The following NRXN1 variants were observed in gnomAD, a reference collection of about 807,000 sequenced individuals.
The protein encoded by NRXN1 is neurexin 1, also known as neurexin-1.
In NRXN1, 39 loss-of-function variants were observed where a neutral mutation model predicts 150.9. That is an observed-to-expected ratio of 0.26 (90% CI 0.20 to 0.34). NRXN1 has a LOEUF of 0.34. Ranked by LOEUF, NRXN1 falls within the 10% of genes least tolerant of loss-of-function variation. The pLI is 1.00. For missense variants in NRXN1, 1,815 were observed against 1,949.9 expected, an observed-to-expected ratio of 0.93 and a Z score of 1.30; for synonymous variants, 924 against 757.0, an observed-to-expected ratio of 1.22 and a Z score of -3.62.
chr2:50,248,341 T>G (rs1321408298), intron 17 of NRXN1, among the ~76,000 whole-genome samples: 1 of 152,142 alleles, frequency 6.6e-6, no homozygotes, highest in Non-Finnish European at 1.5e-5. Flanking sequence ...TTCTTGGCCA[T>G]GGGAATTTAT....
chr2:50,259,456 A>G (rs2152908813), intron 17 of NRXN1, among the ~76,000 whole-genome samples: 1 of 152,004 alleles, frequency 6.6e-6, no homozygotes, highest in Non-Finnish European at 1.5e-5. Context: ...AGGTAAGCAT[A>G]CCACATCATC....
chr2:50,563,971 T>G (rs1240168719), intron 8 of NRXN1, among the ~76,000 whole-genome samples: 1 of 152,210 alleles, frequency 6.6e-6, no homozygotes, highest in Non-Finnish European at 1.5e-5. Flanking sequence ...TTTTAGCAAC[T>G]GCAATGAGAA....
At chr2:50,636,888 T>C (rs751240173) in intron 5 of NRXN1, among the ~76,000 whole-genome samples, 1 of 152,180 alleles carries the variant, frequency 6.6e-6, no homozygotes, top group African/African-American at 2.4e-5. Flanking sequence ...AATATACGCA[T>C]AGAAAATAAA....
chr2:50,779,108 G>T (rs974297018), intron 5 of NRXN1, among the ~76,000 whole-genome samples: 1 of 152,002 alleles, frequency 6.6e-6, no homozygotes, highest in African/African-American at 2.4e-5. Flanking sequence ...TTGTGCCACA[G>T]TGGTTTGCTG....
intron 17 of NRXN1, among the ~76,000 whole-genome samples, chr2:50,450,272 C>G (rs983667352): frequency 6.6e-6 from 1 of 152,062 alleles, no homozygotes; most frequent in African/African-American, 2.4e-5. Context: ...TGTGCCTTTC[C>G]TCTCTTCTGA....
At chr2:50,510,713 A>G (rs1381788426) in intron 12 of NRXN1, among the ~76,000 whole-genome samples, 2 of 152,162 alleles carry the variant, frequency 1.3e-5, no homozygotes, top group East Asian at 3.9e-4. Flanking sequence ...TGAGCGAATT[A>G]TTAAGTCTCA....
chr2:50,960,825 T>C lies in NRXN1; in HGVS notation c.773-34870A>G, dbSNP rs182701492. ...CAATAAAAACAAAAAAAAGCAAACA[T>C]ACATCAAAACCAAAATTGTGTATTT... is the stretch of plus-strand genomic sequence containing the variant. On this transcript the variant is annotated intron_variant, in intron 2 of 22. Transcript: ENST00000401669. 4.3e-4 allele frequency among the ~76,000 whole-genome samples: 66 copies of C among 151,992 alleles called. 1 individual carries two copies. The highest frequency in any genetic ancestry group is 1.5e-3 in the African/African-American group (64 of 41,522).
Position 51,028,348 on chromosome 2 carries a change from A to G in NRXN1, c.-75T>C, listed in dbSNP as rs886727202. 5.9e-6 allele frequency: 6 copies of G among 1,010,884 alleles called. No individual in the cohort carries two copies. The South Asian group carries it at 1.1e-4, about 18-fold the overall frequency. The allele number at this position is 1,010,884 out of a possible 1,614,324, so 62.6% of individuals were successfully genotyped here. On this transcript the variant is annotated 5_prime_UTR_variant, in exon 2 of 23. Coordinates refer to ENST00000401669, the MANE Select transcript of NRXN1 (RefSeq NM_001330078.2). ...ATGGTCCTGGACACCGTGACGAAGA[A>G]ATAAGGGTCCCGAGAGACAGAAAGG...
intron 2 of NRXN1, among the ~76,000 whole-genome samples, chr2:50,997,136 G>C (rs910004255): frequency 6.6e-5 from 10 of 152,116 alleles, no homozygotes; most frequent in African/African-American, 2.2e-4. Context: ...TGAGCTGGAG[G>C]CTACCAGTGT....
chr2:50,017,310 A>ATGTAT (rs915430136), intron 21 of NRXN1, among the ~76,000 whole-genome samples: 1 of 152,180 alleles, frequency 6.6e-6, no homozygotes, highest in African/African-American at 2.4e-5. Flanking sequence ...CCCCCAAGTG[A>ATGTAT]TGTATTGTCA....
chr2:50,784,645 G>C (rs1704833883), intron 5 of NRXN1, among the ~76,000 whole-genome samples: 2 of 152,192 alleles, frequency 1.3e-5, no homozygotes, highest in East Asian at 1.9e-4. Flanking sequence ...AGGTAATGAG[G>C]AATCATCAAA....
At chr2:50,969,931 T>C (rs1013678967) in intron 2 of NRXN1, among the ~76,000 whole-genome samples, 1 of 152,156 alleles carries the variant, frequency 6.6e-6, no homozygotes, top group African/African-American at 2.4e-5. Flanking sequence ...ACAAAGTATG[T>C]ACAGCAGTGC....
intron 17 of NRXN1, among the ~76,000 whole-genome samples, chr2:50,246,322 T>A (rs1185488502): frequency 6.6e-6 from 1 of 152,034 alleles, no homozygotes; most frequent in East Asian, 1.9e-4. Flanking sequence ...CAGTGACACT[T>A]CTTTTTGTCC....
chr2:50,175,865 T>C (rs2060323498), intron 18 of NRXN1, among the ~76,000 whole-genome samples: 2 of 152,178 alleles, frequency 1.3e-5, no homozygotes. Flanking sequence ...TCTCATATTA[T>C]GTGCTTCAGG....
intron 5 of NRXN1, among the ~76,000 whole-genome samples, chr2:50,753,906 C>T (rs1277093955): frequency 7.0e-6 from 1 of 142,740 alleles, no homozygotes; most frequent in Non-Finnish European, 1.5e-5. Context: ...AGTCATTTAG[C>T]AGCTCATTAT....
At chr2:50,840,477 A>T (rs976246805) in intron 5 of NRXN1, among the ~76,000 whole-genome samples, 20 of 151,976 alleles carry the variant, frequency 1.3e-4, no homozygotes, top group Admixed American at 1.0e-3. Context: ...CAGATGGTGC[A>T]GAGAGATTAT....
chr2:50,297,198 C>A (rs1159325930), intron 17 of NRXN1, among the ~76,000 whole-genome samples: 1 of 152,012 alleles, frequency 6.6e-6, no homozygotes, highest in African/African-American at 2.4e-5. Context: ...TGGTTTGATT[C>A]TTTTTAATGG....
chr2:50,195,898 A>T (rs2061727681), intron 18 of NRXN1, among the ~76,000 whole-genome samples: 1 of 152,124 alleles, frequency 6.6e-6, no homozygotes, highest in Non-Finnish European at 1.5e-5. Flanking sequence ...GTAGAATATA[A>T]TAATAGTAAT....
At chr2:50,542,054 G>A (rs1186374195) in intron 9 of NRXN1, among the ~76,000 whole-genome samples, 1 of 152,148 alleles carries the variant, frequency 6.6e-6, no homozygotes, top group African/African-American at 2.4e-5. Flanking sequence ...GACCAAGGCG[G>A]GTGGATCACC....
Sources: gnomAD v4.1 joint callset for allele counts (sites outside exome capture counted in the v4.1 genomes callset) on GRCh38, gnomAD v4.1.1 for gene constraint, MANE v1.5 for transcripts, NCBI Gene and HGNC (gene_info 2026-07-23, HGNC 2026-07-21) for gene names.